Variants in HDAC9 observed in about 807,000 individuals in gnomAD.
HDAC9 encodes the protein MEF-2 interacting transcription repressor (MITR) protein.
Under a neutral mutation model 139.4 loss-of-function variants are expected in HDAC9, and 41 were observed. That is an observed-to-expected ratio of 0.29 (90% CI 0.23 to 0.38). HDAC9 has a LOEUF of 0.38. Ranked by LOEUF, HDAC9 falls within the 10% of genes least tolerant of loss-of-function variation. HDAC9 has a pLI of 1.00. For synonymous variants in HDAC9, 517 were observed against 476.2 expected (o/e 1.09, Z -1.12); for missense variants, 1,147 against 1,297.0 (o/e 0.88, Z 1.78).
intron 1 of HDAC9, among the ~76,000 whole-genome samples, chr7:18,316,522 G>T (rs938850724): frequency 6.6e-6 from 1 of 151,554 alleles, no homozygotes; most frequent in Non-Finnish European, 1.5e-5. Context: ...ATGTTGCCAG[G>T]TACGGTGGCT....
intron 2 of HDAC9, among the ~76,000 whole-genome samples, chr7:18,500,871 C>T (rs1798187425): frequency 6.6e-6 from 1 of 151,094 alleles, no homozygotes; most frequent in South Asian, 2.1e-4. Context: ...AGATGATAAA[C>T]AAGAGAATGA....
intron 6 of HDAC9, among the ~76,000 whole-genome samples, chr7:18,595,539 G>C (rs1832230966): frequency 6.6e-6 from 1 of 152,012 alleles, no homozygotes; most frequent in South Asian, 2.1e-4. Flanking sequence ...CTGAGATTAT[G>C]CAGATACTAC....
intron 25 of HDAC9, among the ~76,000 whole-genome samples, chr7:18,976,190 G>C (rs1293750669): frequency 6.6e-6 from 1 of 152,210 alleles, no homozygotes; most frequent in African/African-American, 2.4e-5. Flanking sequence ...AAATAGAGGG[G>C]ATGAGATAAA....
At chr7:18,600,685 A>G (rs1833716227) in intron 6 of HDAC9, among the ~76,000 whole-genome samples, 1 of 152,162 alleles carries the variant, frequency 6.6e-6, no homozygotes, top group South Asian at 2.1e-4. Flanking sequence ...GTAACTTCAT[A>G]GTAATTCTTA....
chr7:18,358,399 G>T (rs573094106), intron 1 of HDAC9, among the ~76,000 whole-genome samples: 2 of 152,210 alleles, frequency 1.3e-5, no homozygotes, highest in East Asian at 3.8e-4. Flanking sequence ...AGCTTATTAG[G>T]TGTGGCTATG....
intron 22 of HDAC9, among the ~76,000 whole-genome samples, chr7:18,906,404 C>G (rs1802269213): frequency 6.6e-6 from 1 of 152,156 alleles, no homozygotes; most frequent in African/African-American, 2.4e-5. Flanking sequence ...CTCGGCCTCC[C>G]AAAGTGCTGG....
intron 2 of HDAC9, among the ~76,000 whole-genome samples, chr7:18,250,940 A>C (rs1482748892): frequency 6.6e-6 from 1 of 151,982 alleles, no homozygotes; most frequent in African/African-American, 2.4e-5. Flanking sequence ...GTGTCTGTTC[A>C]TGTCCTTTGG....
intron 2 of HDAC9, among the ~76,000 whole-genome samples, chr7:18,207,502 G>A (rs867888069): frequency 2.2e-5 from 3 of 133,866 alleles, no homozygotes; most frequent in Non-Finnish European, 3.1e-5. Flanking sequence ...GAACTCCTGG[G>A]CTCAAGCTGT....
At chr7:18,122,615 T>A (rs911772943) in intron 1 of HDAC9, among the ~76,000 whole-genome samples, 3 of 152,136 alleles carry the variant, frequency 2.0e-5, no homozygotes, top group Admixed American at 2.0e-4. Flanking sequence ...TCATTATTTT[T>A]AATTTTTGTG....
chr7:18,295,325 C>T (rs1798072689), intron 1 of HDAC9, among the ~76,000 whole-genome samples: 1 of 152,070 alleles, frequency 6.6e-6, no homozygotes, highest in South Asian at 2.1e-4. Flanking sequence ...GAGTGATTAT[C>T]CATGTCAAAT....
At chr7:18,571,622 TA>T (rs1343429736) in intron 2 of HDAC9, among the ~76,000 whole-genome samples, 5 of 151,852 alleles carry the variant, frequency 3.3e-5, no homozygotes, top group African/African-American at 1.2e-4. Flanking sequence ...TTTTATTTTT[TA>T]TTTTTTATTT....
chr7:18,395,670 T>C (rs1786960507), intron 1 of HDAC9, among the ~76,000 whole-genome samples: 1 of 152,126 alleles, frequency 6.6e-6, no homozygotes, highest in Non-Finnish European at 1.5e-5. Context: ...ACAACAAAGA[T>C]ACATTTTATG....
intron 24 of HDAC9, among the ~76,000 whole-genome samples, chr7:18,955,439 G>A (rs1443433302): frequency 1.3e-5 from 2 of 152,046 alleles, no homozygotes; most frequent in Non-Finnish European, 2.9e-5. Context: ...GTCATTAATA[G>A]AATGAAAATA....
At chr7:18,493,145 T>A (rs1212592979), upstream of HDAC9, among the ~76,000 whole-genome samples, 1 of 151,996 alleles carries the variant, frequency 6.6e-6, no homozygotes, top group Non-Finnish European at 1.5e-5. Flanking sequence ...TTCTATTTTT[T>A]ATTTTTTATT....
At chr7:18,245,228 C>A (rs531632840) in intron 2 of HDAC9, among the ~76,000 whole-genome samples, 1 of 152,324 alleles carries the variant, frequency 6.6e-6, no homozygotes, top group African/African-American at 2.4e-5. Flanking sequence ...CTGCTTAGTA[C>A]TAATTCTTTC....
At chr7:18,828,530 G>T (rs1795621931) in intron 17 of HDAC9, among the ~76,000 whole-genome samples, 1 of 152,150 alleles carries the variant, frequency 6.6e-6, no homozygotes, top group Middle Eastern at 3.2e-3. Context: ...CAGAATGCAG[G>T]CTAGAAATTG....
intron 2 of HDAC9, among the ~76,000 whole-genome samples, chr7:18,235,023 C>T (rs1208036008): frequency 6.6e-6 from 1 of 152,084 alleles, no homozygotes; most frequent in African/African-American, 2.4e-5. Context: ...CTTTGGGATC[C>T]TTTGCCCAGA....
rs1584969743 is a variant in HDAC9, at chr7:18,277,694, A to G, written c.25+115345A>G. On this transcript the variant is annotated intron_variant, in intron 2 of 12. Transcript: ENST00000417496. ...TCTCATTTCCTGACAACTTCTTTCG[A>G]CTGTCTTGATTAATTTCCAAATATG... 2.6e-5 allele frequency among the ~76,000 whole-genome samples: 4 copies of G among 152,250 alleles called. No individual in the cohort carries two copies. The South Asian group carries it at 8.3e-4, about 32-fold the overall frequency.
At chr7:18,940,469 A>T (rs946217646) in intron 23 of HDAC9, among the ~76,000 whole-genome samples, 1 of 152,156 alleles carries the variant, frequency 6.6e-6, no homozygotes, top group African/African-American at 2.4e-5. Context: ...ACTTAGATTT[A>T]TCAGTCCAAT....
Sources: gnomAD v4.1 joint callset for allele counts (sites outside exome capture counted in the v4.1 genomes callset) on GRCh38, gnomAD v4.1.1 for gene constraint, MANE v1.5 for transcripts, NCBI Gene and HGNC (gene_info 2026-07-23, HGNC 2026-07-21) for gene names.